The following DNM3 variants were observed in gnomAD, a reference collection of about 807,000 sequenced individuals.
The protein encoded by DNM3 is dynamin 3.
In DNM3, 47 loss-of-function variants were observed where a neutral mutation model predicts 101.6. That is an observed-to-expected ratio of 0.46 (90% CI 0.37 to 0.59). The LOEUF (loss-of-function observed/expected upper bound fraction) is 0.59, where lower values mean the gene tolerates loss of function less well. DNM3 is among the 20% of genes least tolerant of loss of function. The probability of loss-of-function intolerance (pLI) is 0.00; values close to 1 mark genes in which losing one functional copy is unlikely to be tolerated. For synonymous variants in DNM3, 385 were observed against 387.9 expected, an observed-to-expected ratio of 0.99 and a Z score of 0.09; for missense variants, 849 against 1,085.7, an observed-to-expected ratio of 0.78 and a Z score of 3.06.
intron 14 of DNM3, among the ~76,000 whole-genome samples, chr1:172,212,865 T>C (rs1406956701): frequency 1.3e-5 from 2 of 152,138 alleles, no homozygotes; most frequent in Non-Finnish European, 1.5e-5. Context: ...TTTTGACTGA[T>C]GTACTCTCGC....
chr1:172,152,926 A>T lies in DNM3; in HGVS notation c.1659+21638A>T, dbSNP rs1309834343. Among the ~76,000 whole-genome samples the T allele has an allele frequency of 3.3e-5, 5 of 152,220 alleles. No homozygotes were observed. The South Asian group carries it at 1.0e-3, about 32-fold the overall frequency. On this transcript the variant is annotated intron_variant, in intron 14 of 20. Coordinates refer to ENST00000627582, the MANE Select transcript of DNM3 (RefSeq NM_015569.5). Reference sequence around the variant, plus strand: ...TGTGAAATAAAAGCTTTGAATTAACATTCACAGTGAAAACACTAAAGCCAA... The same window carrying T: ...TGTGAAATAAAAGCTTTGAATTAACTTTCACAGTGAAAACACTAAAGCCAA...
At chr1:172,247,878 T>A (rs1034794332) in intron 14 of DNM3, among the ~76,000 whole-genome samples, 7 of 152,084 alleles carry the variant, frequency 4.6e-5, no homozygotes, top group Admixed American at 4.6e-4. Context: ...AGAAACAGGG[T>A]TTCACCATGT....
At chr1:172,005,057 C>T (rs2046594007) in intron 4 of DNM3, among the ~76,000 whole-genome samples, 1 of 152,084 alleles carries the variant, frequency 6.6e-6, no homozygotes, top group African/African-American at 2.4e-5. Context: ...GTACAGCCCC[C>T]AGTGGTTAAT....
chr1:172,101,878 T>C (rs2054666865), intron 13 of DNM3, among the ~76,000 whole-genome samples: 1 of 152,096 alleles, frequency 6.6e-6, no homozygotes, highest in African/African-American at 2.4e-5. Context: ...TTTTTTTTTT[T>C]GAGACAGTTT....
intron 14 of DNM3, among the ~76,000 whole-genome samples, chr1:172,245,212 G>A (rs1027421122): frequency 3.9e-5 from 6 of 152,072 alleles, no homozygotes; most frequent in Non-Finnish European, 7.4e-5. Context: ...GAGTAACAGG[G>A]GAGCAAGACA....
At chr1:171,962,684 C>T (rs2043297574) in intron 2 of DNM3, among the ~76,000 whole-genome samples, 1 of 152,122 alleles carries the variant, frequency 6.6e-6, no homozygotes, top group South Asian at 2.1e-4. Context: ...GAGTACTCCC[C>T]TCTCCTGATT....
At chr1:172,297,761 T>G (rs1332821796) in intron 15 of DNM3, among the ~76,000 whole-genome samples, 1 of 152,180 alleles carries the variant, frequency 6.6e-6, no homozygotes, top group Non-Finnish European at 1.5e-5. Context: ...TCTTTTATAC[T>G]TTTTTATTAG....
intron 20 of DNM3, among the ~76,000 whole-genome samples, chr1:172,396,257 T>C (rs1226668636): frequency 6.6e-6 from 1 of 152,192 alleles, no homozygotes; most frequent in Non-Finnish European, 1.5e-5. Flanking sequence ...ATATGTTAAG[T>C]CAAAATGGCA....
At chr1:172,212,836 G>A (rs967048967) in intron 14 of DNM3, among the ~76,000 whole-genome samples, 20 of 152,134 alleles carry the variant, frequency 1.3e-4, no homozygotes, top group African/African-American at 4.8e-4. Flanking sequence ...GACCAGTACT[G>A]GAAGAGAGAG....
Position 172,407,918 on chromosome 1 carries a change from C to A in DNM3, c.*77C>A. 1.2e-6 allele frequency: 2 copies of A among 1,607,152 alleles called. No individual in the cohort carries two copies. The highest frequency in any genetic ancestry group is 1.1e-5 in the South Asian group (1 of 90,834). On this transcript the variant is annotated 3_prime_UTR_variant, in exon 21 of 21. Transcript: ENST00000627582. ...ATATTTGATAACCGTTGCAGTAAAT[C>A]ATGAGTAGTCGCATGTGTGGACATC...
chr1:172,268,624 G>T (rs1462245226), intron 15 of DNM3, among the ~76,000 whole-genome samples: 2 of 152,160 alleles, frequency 1.3e-5, no homozygotes, highest in Non-Finnish European at 2.9e-5. Context: ...ACCACACCCA[G>T]ACAGAAATCA....
intron 2 of DNM3, among the ~76,000 whole-genome samples, chr1:171,953,314 T>A (rs2042646984): frequency 6.6e-6 from 1 of 152,212 alleles, no homozygotes; most frequent in Non-Finnish European, 1.5e-5. Context: ...ATTACATTTA[T>A]GATTTTAGTT....
intron 15 of DNM3, among the ~76,000 whole-genome samples, chr1:172,290,953 TGGA>T (rs1056393104): frequency 2.0e-5 from 3 of 149,770 alleles, no homozygotes; most frequent in African/African-American, 7.4e-5. Flanking sequence ...CACAGAAGCC[TGGA>T]GGAGAAGGTG....
intron 10 of DNM3, among the ~76,000 whole-genome samples, chr1:172,052,795 A>G (rs2050299647): frequency 6.6e-6 from 1 of 152,072 alleles, no homozygotes; most frequent in African/African-American, 2.4e-5. Context: ...TCTTCTTACT[A>G]TATTTTCTCC....
intron 2 of DNM3, among the ~76,000 whole-genome samples, chr1:171,982,747 A>G (rs1477236377): frequency 1.3e-5 from 2 of 152,156 alleles, no homozygotes; most frequent in Non-Finnish European, 2.9e-5. Context: ...GTACTTATAC[A>G]GTTTAACCAG....
chr1:172,032,470 C>G lies in DNM3; in HGVS notation c.658C>G (p.Leu220Val). The change falls in exon 5 of 21, where the codon CTA becomes GTA. Residue 220 changes from leucine (L) to valine (V), a missense_variant. Leu to Val is a conservative substitution (Grantham distance 32). Transcript: ENST00000627582. The part of the protein sequence containing the change: ...MDEGTDARDV[L>V]ENKLLPLRRG... Reference sequence around the variant, plus strand: ...TGAAGGAACGGATGCCAGGGATGTTCTAGAGAACAAACTGTTGCCTCTTCG... The same window carrying G: ...TGAAGGAACGGATGCCAGGGATGTTGTAGAGAACAAACTGTTGCCTCTTCG... 6.3e-7 allele frequency: 1 copy of G among 1,577,346 alleles called. No homozygotes were observed. The highest frequency in any genetic ancestry group is 8.6e-7 in the Non-Finnish European group (1 of 1,158,928).
At chr1:172,054,597 A>AT (rs750388005) in intron 10 of DNM3, among the ~76,000 whole-genome samples, 5 of 151,412 alleles carry the variant, frequency 3.3e-5, no homozygotes, top group Non-Finnish European at 7.4e-5. Flanking sequence ...TAATTAATTG[A>AT]TTTTTTTCTT....
intron 17 of DNM3, among the ~76,000 whole-genome samples, chr1:172,330,899 C>T (rs9425560): frequency 0.57 from 86,789 of 151,842 alleles, 26,368 homozygotes; most frequent in African/African-American, 0.79. Flanking sequence ...CATCTGAGAC[C>T]CTACAAGCTT....
At chr1:172,059,977 T>G (rs1572321044) in intron 10 of DNM3, among the ~76,000 whole-genome samples, 1 of 150,410 alleles carries the variant, frequency 6.6e-6, no homozygotes, top group South Asian at 2.1e-4. Context: ...CTCCTTAAGC[T>G]GATAAGCAAC....
Sources: allele counts gnomAD v4.1 joint callset (sites outside exome capture counted in the v4.1 genomes callset), GRCh38; gene constraint gnomAD v4.1.1; transcripts MANE v1.5; gene names NCBI Gene and HGNC (gene_info 2026-07-23, HGNC 2026-07-21).